Variants in RYR1 observed in about 807,000 individuals in gnomAD.
The protein encoded by RYR1 is ryanodine receptor 1, also known as central core disease of muscle.
A neutral mutation model predicts 583.5 loss-of-function variants in RYR1; 342 were observed. The observed-to-expected ratio is 0.59, with a 90% CI of 0.54 to 0.64. The LOEUF is 0.64. Ranked by LOEUF, RYR1 falls within the 30% of genes least tolerant of loss-of-function variation. RYR1 has a pLI of 0.00. For missense variants in RYR1, 6,032 were observed against 6,917.2 expected, an observed-to-expected ratio of 0.87 and a Z score of 4.54; for synonymous variants, 2,791 against 2,822.5, an observed-to-expected ratio of 0.99 and a Z score of 0.35.
In RYR1 at chr19:38,476,282, T is replaced by G. The variant is rs531246093; in HGVS notation, c.4293+832T>G. Reference sequence around the variant, plus strand: ...GGCGCGATCTCGGCTCACTGCAACCTCTGCCTCCCGGGTTCAAGTGATTCT... The same window carrying G: ...GGCGCGATCTCGGCTCACTGCAACCGCTGCCTCCCGGGTTCAAGTGATTCT... On this transcript the variant is annotated intron_variant, in intron 29 of 105. Transcript: ENST00000359596. Among the ~76,000 whole-genome samples, 3 of 152,258 alleles carry G rather than the reference T, an allele frequency of 2.0e-5. No homozygotes were observed. In the South Asian group the frequency reaches 6.2e-4, roughly 32 times the overall value.
chr19:38,579,590 CAAAA>C (rs1236481962), intron 99 of RYR1, among the ~76,000 whole-genome samples: 6 of 62,222 alleles, frequency 9.6e-5, no homozygotes, highest in East Asian at 9.3e-4. Context: ...AACTCCATCT[CAAAA>C]AAAAAAAAAA....
intron 27 of RYR1, among the ~76,000 whole-genome samples, chr19:38,470,754 C>T (rs1258527064): frequency 1.3e-5 from 2 of 152,082 alleles, no homozygotes; most frequent in Non-Finnish European, 2.9e-5. Context: ...ACAAACAAAA[C>T]AAAACAAAAC....
intron 78 of RYR1, among the ~76,000 whole-genome samples, chr19:38,534,156 C>T (rs1161246905): frequency 6.6e-6 from 1 of 151,924 alleles, no homozygotes; most frequent in Non-Finnish European, 1.5e-5. Context: ...GGACTACAGG[C>T]TCATGCCACC....
In RYR1 at chr19:38,525,371, C is replaced by T. The variant is rs147058802; in HGVS notation, c.10495C>T (p.Arg3499Trp). The T allele has an allele frequency of 3.7e-5, 59 of 1,613,802 alleles. No individual in the cohort carries two copies. Among genetic ancestry groups the T allele is most frequent in the African/African-American group, 1.3e-4 (10 of 74,812 alleles). The change falls in exon 71 of 106, where the codon CGG becomes TGG. Residue 3499 changes from arginine to tryptophan, a missense_variant. Coordinates refer to ENST00000359596, the MANE Select transcript of RYR1 (RefSeq NM_000540.3). ...SDQERTKKKR[R>W]GDRYSVQTSL... ...CCAGGAACGCACCAAGAAGAAGCGCCGGGGGGACCGGTACTCTGTGCAGAC... is the reference window on the plus strand; with the variant it reads ...CCAGGAACGCACCAAGAAGAAGCGCTGGGGGGACCGGTACTCTGTGCAGAC...
chr19:38,586,978 A>G (rs1474638646), intron 105 of RYR1, among the ~76,000 whole-genome samples: 1 of 151,002 alleles, frequency 6.6e-6, no homozygotes, highest in Non-Finnish European at 1.5e-5. Flanking sequence ...CTCAAAAAAA[A>G]TGGGTTTGGG....
chr19:38,441,674 G>A (rs1972692816), intron 2 of RYR1, among the ~76,000 whole-genome samples: 1 of 150,902 alleles, frequency 6.6e-6, no homozygotes, highest in Admixed American at 6.6e-5. Flanking sequence ...GGAGCCTGGG[G>A]TCTGAAAGGA....
At chr19:38,451,447 T>C (rs1226473921) in intron 11 of RYR1, among the ~76,000 whole-genome samples, 3 of 151,870 alleles carry the variant, frequency 2.0e-5, no homozygotes, top group Non-Finnish European at 4.4e-5. Context: ...GGAAAGGGTC[T>C]GGCCTGGAGA....
chr19:38,499,104 C>T lies in RYR1; in HGVS notation c.6892-4C>T. 2 of 1,614,010 alleles carry T rather than the reference C, an allele frequency of 1.2e-6. No individual in the cohort carries two copies. Among genetic ancestry groups the T allele is most frequent in the Non-Finnish European group, 1.7e-6 (2 of 1,179,944 alleles). ...GTCTCTGACTGAGCCCCTTCTGCCC[C>T]CAGGTTGTGTCCTACCTGGCAGGCT... On this transcript the variant is annotated splice_region_variant and splice_polypyrimidine_tract_variant and intron_variant, in intron 42 of 105. Coordinates refer to ENST00000359596, the MANE Select transcript of RYR1 (RefSeq NM_000540.3). The surrounding 1 kb of genome is among the most constrained non-coding windows in gnomAD (Gnocchi z 7.3).
chr19:38,463,538 G>A lies in RYR1; in HGVS notation c.2682+11G>A, dbSNP rs1967904132. On this transcript the variant is annotated intron_variant, in intron 21 of 105. Transcript: ENST00000359596. ...TGGACCTACGGCCCGGTGAGGGGCT[G>A]CCTGCAGCCTGCGGGAGGCCGGCTA... is the stretch of plus-strand genomic sequence containing the variant. 6 of 1,609,780 alleles carry A rather than the reference G, an allele frequency of 3.7e-6. No homozygotes were observed. The South Asian group carries it at 4.4e-5, about 12-fold the overall frequency.
chr19:38,456,853 T>C (rs1254161659), intron 16 of RYR1, among the ~76,000 whole-genome samples: 1 of 151,338 alleles, frequency 6.6e-6, no homozygotes, highest in African/African-American at 2.4e-5. Context: ...GAGACCATCC[T>C]GGCTAATGCG....
At chr19:38,552,048 G>A in intron 89 of RYR1, among the ~76,000 whole-genome samples, 1 of 151,914 alleles carries the variant, frequency 6.6e-6, no homozygotes, top group Non-Finnish European at 1.5e-5. Context: ...CCCAGGCTCA[G>A]GTGATCCTCC....
At position 38,466,264 on chromosome 19, in the gene RYR1, G is replaced by C; in HGVS notation, c.3044G>C (p.Arg1015Pro). The C allele has an allele frequency of 6.2e-7, 1 of 1,613,080 alleles. No homozygotes were observed. Among genetic ancestry groups the C allele is most frequent in the East Asian group, 2.2e-5 (1 of 44,858 alleles). Reference sequence around the variant, plus strand: ...AGCGCAGTGCAGGACATCCCAGCGCGCCGAAACCCTCGGCTGGTGCCCTAC... The same window carrying C: ...AGCGCAGTGCAGGACATCCCAGCGCCCCGAAACCCTCGGCTGGTGCCCTAC... ...SYSAVQDIPA[R>P]RNPRLVPYRL... Residue 1015 changes from arginine (R) to proline (P), a missense_variant, in exon 24 of 106, where the codon CGC becomes CCC. This residue lies in a region of RYR1 where 2,627 missense variants were observed against 2,961.3 expected (regional missense o/e 0.89). Transcript: ENST00000359596.
Position 38,543,740 on chromosome 19 carries a change from C to G in RYR1, c.11908-31C>G. The G allele has an allele frequency of 6.2e-7, 1 of 1,611,318 alleles. No homozygotes were observed. Among genetic ancestry groups the G allele is most frequent in the Non-Finnish European group, 8.5e-7 (1 of 1,179,796 alleles). On this transcript the variant is annotated intron_variant, in intron 86 of 105. Coordinates refer to ENST00000359596, the MANE Select transcript of RYR1 (RefSeq NM_000540.3). This position sits in a 1 kb window ranked among gnomAD's most constrained non-coding sequence, Gnocchi z 4.4. ...TCCCTGATCCCTTCTCGGGGATTCCCTTCCCCCCCACACGGCACTCTGCCT... is the reference window on the plus strand; with the variant it reads ...TCCCTGATCCCTTCTCGGGGATTCCGTTCCCCCCCACACGGCACTCTGCCT...
At chr19:38,437,820 A>G (rs1300357416) in intron 1 of RYR1, among the ~76,000 whole-genome samples, 3 of 151,624 alleles carry the variant, frequency 2.0e-5, no homozygotes, top group Non-Finnish European at 4.4e-5. Context: ...TGTGTCTACA[A>G]AAATATATAT....
Position 38,459,249 on chromosome 19 carries a change from C to T in RYR1, c.2271C>T (p.Arg757=), listed in dbSNP as rs1967598923. 1 of 1,614,148 alleles carries T rather than the reference C, an allele frequency of 6.2e-7. No individual in the cohort carries two copies. Among genetic ancestry groups the T allele is most frequent in the Non-Finnish European group, 8.5e-7 (1 of 1,179,996 alleles). ...TCAGCGTGCCGTCCATCTCCTTCCG[C>T]ATCAACGGCTGCCCCGTGCAGGGTG... ...LDLSVPSISF[R]INGCPVQGVF... is the part of the protein sequence containing the mutation. The change falls in exon 19 of 106, where the codon CGC becomes CGT. Residue 757 remains arginine, a synonymous_variant. Transcript: ENST00000359596.
intron 29 of RYR1, among the ~76,000 whole-genome samples, chr19:38,477,401 C>T (rs928437654): frequency 1.3e-5 from 2 of 152,122 alleles, no homozygotes; most frequent in African/African-American, 4.8e-5. Flanking sequence ...CCTCAGCTTC[C>T]CAAAGTGCTG....
chr19:38,502,826 G>GGCAGGGGGAGGA, intron 48 of RYR1, 54 bp from the exon 49 acceptor site: 2 of 1,549,412 alleles, frequency 1.3e-6, no homozygotes, highest in South Asian at 2.3e-5. Context: ...CAGGGGCAGG[G>GGCAGGGGGAGGA]GCAGCAGAGC....
intron 84 of RYR1, among the ~76,000 whole-genome samples, chr19:38,542,574 A>G (rs2145772255): frequency 6.6e-6 from 1 of 152,292 alleles, no homozygotes; most frequent in East Asian, 1.9e-4. Flanking sequence ...GCTGGAGTGC[A>G]GTGGCATGAT....
In RYR1 at chr19:38,494,559, A is replaced by T. The variant is rs1969716298; in HGVS notation, c.6482A>T (p.Gln2161Leu). ...DTMSLLECLG[Q>L]IRSLLIVQMG... ...ATGAGCCTGCTCGAGTGCCTCGGCC[A>T]GATCCGCTCGCTGCTCATCGTGCAG... The change falls in exon 39 of 106, where the codon CAG becomes CTG. Residue 2161 changes from glutamine to leucine, a missense_variant. Coordinates refer to ENST00000359596, the MANE Select transcript of RYR1 (RefSeq NM_000540.3). 4 of 1,614,122 alleles carry T rather than the reference A, an allele frequency of 2.5e-6. No individual in the cohort carries two copies. The highest frequency in any genetic ancestry group is 3.4e-6 in the Non-Finnish European group (4 of 1,180,028).
Sources: gnomAD v4.1 joint callset for allele counts (sites outside exome capture counted in the v4.1 genomes callset) on GRCh38, gnomAD v4.1.1 for gene constraint, gnomAD v4.1.1 regional missense constraint, Gnocchi (gnomAD v3.1) non-coding constraint, MANE v1.5 for transcripts, NCBI Gene and HGNC (gene_info 2026-07-23, HGNC 2026-07-21) for gene names.